The following PCDHA6 variants were observed in gnomAD, a reference collection of about 807,000 sequenced individuals.
PCDHA6 encodes protocadherin alpha 6, also known as protocadherin alpha-6.
Under a neutral mutation model 60.3 loss-of-function variants are expected in PCDHA6, and 55 were observed. The observed-to-expected ratio is 0.91, with a 90% CI of 0.73 to 1.14. The LOEUF is 1.14. PCDHA6 is among the 50% of genes most tolerant of loss of function. The pLI is 0.00. For missense variants in PCDHA6, 1,327 were observed against 1,256.5 expected (o/e 1.06, Z -0.85); for synonymous variants, 652 against 557.9 (o/e 1.17, Z -2.38).
chr5:140,967,024 T>G, intron 1 of PCDHA6: 1 of 1,608,238 alleles, frequency 6.2e-7, no homozygotes, highest in Non-Finnish European at 8.5e-7. Flanking sequence ...GTGCGCCCAG[T>G]CCGCGCTACC....
intron 1 of PCDHA6, chr5:140,877,946 C>T (rs996993086): frequency 3.2e-5 from 43 of 1,349,440 alleles, no homozygotes; most frequent in Non-Finnish European, 4.0e-5. Context: ...TTTAAACTAT[C>T]GAATGTCTCA....
At chr5:141,003,486 T>C (rs1563677160) in intron 3 of PCDHA6, among the ~76,000 whole-genome samples, 2 of 152,054 alleles carry the variant, frequency 1.3e-5, no homozygotes. Flanking sequence ...CTAATTTTTA[T>C]AGTTTTAGTA....
chr5:140,835,773 G>A (rs1554135255), intron 1 of PCDHA6: 5 of 1,613,392 alleles, frequency 3.1e-6, no homozygotes, highest in Admixed American at 3.3e-5. Flanking sequence ...TACGGTGTTC[G>A]TGAAGGAGAA....
At chr5:140,862,914 T>G (rs1324923018) in intron 1 of PCDHA6, 1 of 548,316 alleles carries the variant, frequency 1.8e-6, no homozygotes, top group African/African-American at 2.0e-5. Flanking sequence ...TGCTGGCGCC[T>G]TGGGTGGGCT....
intron 1 of PCDHA6, among the ~76,000 whole-genome samples, chr5:140,946,679 C>T (rs556487333): frequency 4.1e-5 from 6 of 144,812 alleles, no homozygotes; most frequent in East Asian, 4.0e-4. Flanking sequence ...TCCTGTCATT[C>T]GTGACAATAT....
Position 140,828,813 on chromosome 5 carries a change from C to T in PCDHA6, c.722C>T (p.Thr241Ile). 1 of 1,614,220 alleles carries T rather than the reference C, an allele frequency of 6.2e-7. No individual in the cohort carries two copies. ...TVLDVNDNAP[T>I]FEQSEYEVRI... Reference sequence around the variant, plus strand: ...CTGGATGTGAATGATAATGCTCCCACTTTCGAACAGTCTGAATACGAAGTA... The same window carrying T: ...CTGGATGTGAATGATAATGCTCCCATTTTCGAACAGTCTGAATACGAAGTA... The change falls in exon 1 of 4, where the codon ACT becomes ATT. Residue 241 changes from threonine to isoleucine, a missense_variant. Coordinates refer to ENST00000529310, the MANE Select transcript of PCDHA6 (RefSeq NM_018909.4).
At chr5:140,927,174 C>G (rs782406584) in intron 1 of PCDHA6, 2 of 1,614,186 alleles carry the variant, frequency 1.2e-6, no homozygotes, top group Non-Finnish European at 8.5e-7. Context: ...CTGCCTGCGT[C>G]TTGACCTACG....
At chr5:140,943,380 T>A (rs2093488086) in intron 1 of PCDHA6, among the ~76,000 whole-genome samples, 3 of 151,328 alleles carry the variant, frequency 2.0e-5, no homozygotes, top group Admixed American at 2.0e-4. Context: ...AATATACAGG[T>A]AAGAAATTAT....
intron 2 of PCDHA6, among the ~76,000 whole-genome samples, chr5:140,979,370 G>A (rs1247964519): frequency 6.6e-6 from 1 of 150,650 alleles, no homozygotes; most frequent in Non-Finnish European, 1.5e-5. Context: ...TGAGACTTGG[G>A]TACATTGTGC....
At position 140,841,479 on chromosome 5, in the gene PCDHA6, G is replaced by A. The variant is rs2150316299; in HGVS notation, c.2394+10994G>A. On this transcript the variant is annotated intron_variant, in intron 1 of 3. Transcript: ENST00000529310. The stretch of plus-strand genomic sequence containing the variant: ...GTGGGCCGGATCGCGCAGGACCTGG[G>A]GCTGGAGCTGGCGGAGCTGGTGCCG... The A allele has an allele frequency of 3.6e-4, 573 of 1,613,084 alleles. 4 individuals are homozygous for A. In the Admixed American group the frequency reaches 9.2e-3, roughly 26 times the overall value.
At chr5:141,004,378 G>A (rs914260481) in intron 3 of PCDHA6, among the ~76,000 whole-genome samples, 3 of 152,198 alleles carry the variant, frequency 2.0e-5, no homozygotes, top group Admixed American at 6.5e-5. Context: ...TCTGCTCTGC[G>A]GAAGCTGGAC....
At chr5:140,869,052 T>G in intron 1 of PCDHA6, 1 of 1,543,852 alleles carries the variant, frequency 6.5e-7, no homozygotes. Flanking sequence ...AACTGAAGAA[T>G]CTGGTACTGT....
At chr5:140,840,195 GA>G (rs1173726690) in intron 1 of PCDHA6, among the ~76,000 whole-genome samples, 15 of 152,034 alleles carry the variant, frequency 9.9e-5, no homozygotes, top group African/African-American at 3.6e-4. Context: ...GTAGGCAAAG[GA>G]AAAGAAGTCA....
chr5:140,945,807 C>G (rs1408404648), intron 1 of PCDHA6, among the ~76,000 whole-genome samples: 1 of 152,120 alleles, frequency 6.6e-6, no homozygotes, highest in African/African-American at 2.4e-5. Context: ...AGACCCTTAT[C>G]TCACACTGTA....
At chr5:140,848,903 A>T in intron 1 of PCDHA6, 1 of 1,607,734 alleles carries the variant, frequency 6.2e-7, no homozygotes, top group Non-Finnish European at 8.5e-7. Context: ...TCCCAGCGAC[A>T]CAAAAGAATC....
intron 1 of PCDHA6, among the ~76,000 whole-genome samples, chr5:140,907,985 A>T (rs1377305456): frequency 2.6e-5 from 4 of 152,178 alleles, no homozygotes; most frequent in East Asian, 1.9e-4. Flanking sequence ...GCTTCTTCCA[A>T]GTCCTTAACC....
chr5:140,960,120 C>A (rs2095527331), intron 1 of PCDHA6, among the ~76,000 whole-genome samples: 1 of 152,118 alleles, frequency 6.6e-6, no homozygotes, highest in African/African-American at 2.4e-5. Context: ...AATAGTATTC[C>A]TTATGAAATA....
At chr5:140,909,186 A>G (rs552786721) in intron 1 of PCDHA6, among the ~76,000 whole-genome samples, 1 of 152,336 alleles carries the variant, frequency 6.6e-6, no homozygotes, top group Admixed American at 6.5e-5. Context: ...TCCAAACAAG[A>G]TTATGACACA....
At chr5:140,956,141 C>A (rs1181002106) in intron 1 of PCDHA6, among the ~76,000 whole-genome samples, 2 of 152,122 alleles carry the variant, frequency 1.3e-5, no homozygotes, top group Non-Finnish European at 2.9e-5. Context: ...CCCTTTATTT[C>A]TTTCTCTTTC....
Sources: gnomAD v4.1 joint callset for allele counts (sites outside exome capture counted in the v4.1 genomes callset) on GRCh38, gnomAD v4.1.1 for gene constraint, MANE v1.5 for transcripts, NCBI Gene and HGNC (gene_info 2026-07-23, HGNC 2026-07-21) for gene names.